The following GPHN variants were observed in gnomAD, a reference collection of about 807,000 sequenced individuals.
GPHN encodes gephyrin.
Under a neutral mutation model 95.5 loss-of-function variants are expected in GPHN, and 17 were observed. The ratio of observed to expected loss-of-function variants is 0.18; its 90% confidence interval spans 0.12 to 0.27. GPHN has a LOEUF of 0.27. Ranked by LOEUF, GPHN falls within the 10% of genes least tolerant of loss-of-function variation. The pLI is 1.00. For synonymous variants in GPHN, 320 were observed against 322.5 expected (o/e 0.99, Z 0.08); for missense variants, 660 against 978.1 (o/e 0.67, Z 4.34).
At chr14:66,761,307 A>G (rs1185633465) in intron 2 of GPHN, among the ~76,000 whole-genome samples, 1 of 152,228 alleles carries the variant, frequency 6.6e-6, no homozygotes, top group Non-Finnish European at 1.5e-5. Context: ...TAATGGCACT[A>G]GGCAGCATTT....
chr14:66,939,141 C>A (rs2153571469), intron 8 of GPHN, among the ~76,000 whole-genome samples: 1 of 152,274 alleles, frequency 6.6e-6, no homozygotes, highest in East Asian at 1.9e-4. Flanking sequence ...TTGGACATGA[C>A]ACCAAAGGCA....
At chr14:67,345,686 A>G in the GPHN span, 1 of 867,576 alleles carries the variant, frequency 1.2e-6, no homozygotes, top group Non-Finnish European at 1.9e-6. Flanking sequence ...AGCACAGTAT[A>G]TGCTGACTCA....
At chr14:66,988,367 C>T (rs1394026232) in intron 9 of GPHN, among the ~76,000 whole-genome samples, 1 of 151,694 alleles carries the variant, frequency 6.6e-6, no homozygotes, top group Admixed American at 6.6e-5. Context: ...GTCTTCTACC[C>T]CTTGTTAGTT....
At chr14:67,579,647 C>T in the GPHN span, 4 of 1,452,244 alleles carry the variant, frequency 2.8e-6, no homozygotes, top group Non-Finnish European at 3.8e-6. Flanking sequence ...CTGCTGTATC[C>T]AGACACCTCC....
chr14:67,655,077 T>C, the GPHN span, among the ~76,000 whole-genome samples: 2 of 142,444 alleles, frequency 1.4e-5, no homozygotes, highest in South Asian at 4.5e-4. Flanking sequence ...CAGTGGCTCA[T>C]GCCTGTAATC....
At chr14:67,511,789 C>G in the GPHN span, among the ~76,000 whole-genome samples, 5,334 of 152,268 alleles carry the variant, frequency 0.035, 362 homozygotes, top group East Asian at 0.27. Context: ...TGAAGTATAG[C>G]CTCACAGGGG....
intron 8 of GPHN, among the ~76,000 whole-genome samples, chr14:66,936,676 G>C (rs920098549): frequency 6.6e-6 from 1 of 152,164 alleles, no homozygotes; most frequent in Non-Finnish European, 1.5e-5. Context: ...ATGTGCCAAA[G>C]ATTTTATTTA....
intron 10 of GPHN, among the ~76,000 whole-genome samples, chr14:67,044,187 A>G (rs1287497939): frequency 6.6e-5 from 10 of 152,062 alleles, no homozygotes; most frequent in African/African-American, 1.9e-4. Context: ...AAATACAACA[A>G]TTAGCCAGGC....
intron 6 of GPHN, among the ~76,000 whole-genome samples, chr14:66,917,957 C>G (rs1596365856): frequency 6.6e-6 from 1 of 152,110 alleles, no homozygotes; most frequent in South Asian, 2.1e-4. Flanking sequence ...GGAGTTTTAG[C>G]CAACTGCAAA....
At chr14:67,688,861 G>A in the GPHN span, among the ~76,000 whole-genome samples, 1 of 152,150 alleles carries the variant, frequency 6.6e-6, no homozygotes, top group Non-Finnish European at 1.5e-5. Flanking sequence ...CCAAAGAAGA[G>A]ACTATACCTA....
chr14:67,650,670 T>G, the GPHN span: 2 of 1,575,872 alleles, frequency 1.3e-6, no homozygotes, highest in East Asian at 4.5e-5. Context: ...TCACTGAGAG[T>G]AGCAGCAAGG....
At chr14:66,590,000 T>G (rs979867895) in intron 1 of GPHN, among the ~76,000 whole-genome samples, 1 of 152,094 alleles carries the variant, frequency 6.6e-6, no homozygotes, top group Non-Finnish European at 1.5e-5. Flanking sequence ...TACAATCAAA[T>G]TAGAACTCAG....
At chr14:67,361,999 A>G in the GPHN span, among the ~76,000 whole-genome samples, 12 of 151,144 alleles carry the variant, frequency 7.9e-5, no homozygotes, top group African/African-American at 2.9e-4. Context: ...TTACTTAGGT[A>G]AGAGTCTTTT....
the GPHN span, among the ~76,000 whole-genome samples, chr14:67,230,822 G>A: frequency 1.3e-5 from 2 of 152,190 alleles, no homozygotes; most frequent in African/African-American, 4.8e-5. Context: ...CCACAGTTGT[G>A]CTTTCCACAG....
At chr14:67,698,473 G>A in the GPHN span, among the ~76,000 whole-genome samples, 1 of 152,088 alleles carries the variant, frequency 6.6e-6, no homozygotes, top group Non-Finnish European at 1.5e-5. Context: ...TAAAAGCAGA[G>A]GGAAGCTTTG....
At chr14:67,435,821 G>A in the GPHN span, among the ~76,000 whole-genome samples, 61 of 152,336 alleles carry the variant, frequency 4.0e-4, 1 homozygote, top group African/African-American at 1.3e-3. Context: ...CCTTGGCCAC[G>A]TCCATTGGTG....
At chr14:66,723,407 C>T (rs1000460683) in intron 2 of GPHN, among the ~76,000 whole-genome samples, 16 of 146,804 alleles carry the variant, frequency 1.1e-4, no homozygotes, top group Admixed American at 7.5e-4. Flanking sequence ...TATAAGTTAA[C>T]GTGCTTTCAT....
intron 8 of GPHN, among the ~76,000 whole-genome samples, chr14:66,958,846 C>A (rs1442009266): frequency 6.6e-6 from 1 of 152,112 alleles, no homozygotes; most frequent in Non-Finnish European, 1.5e-5. Flanking sequence ...AATGCAATTA[C>A]TATAAAGAAG....
rs1368731039 is a variant in GPHN, at chr14:66,743,532, C to T, written c.144-32932C>T. Among the ~76,000 whole-genome samples, 5 of 151,824 alleles carry T rather than the reference C, an allele frequency of 3.3e-5. No homozygotes were observed. In the East Asian group the frequency reaches 7.8e-4, roughly 24 times the overall value. The stretch of plus-strand genomic sequence containing the variant: ...CGGGCGGATCACGAGGTGAGGAGAT[C>T]GAGACCATCCTGGCTAACACGGTGA... On this transcript the variant is annotated intron_variant, in intron 2 of 22. Coordinates refer to ENST00000478722, the MANE Select transcript of GPHN (RefSeq NM_020806.5).
Sources: gnomAD v4.1 joint callset for allele counts (sites outside exome capture counted in the v4.1 genomes callset) on GRCh38, gnomAD v4.1.1 for gene constraint, MANE v1.5 for transcripts, NCBI Gene and HGNC (gene_info 2026-07-23, HGNC 2026-07-21) for gene names.